Variants in ODF2L observed in about 807,000 individuals in gnomAD.
The protein encoded by ODF2L is outer dense fiber of sperm tails 2 like.
ODF2L carries 76 observed loss-of-function variants against 86.3 expected under a neutral mutation model. That is an observed-to-expected ratio of 0.88 (90% CI 0.73 to 1.07). The LOEUF is 1.07. ODF2L is among the 50% of genes least tolerant of loss of function. The probability of loss-of-function intolerance (pLI) is 0.00; values close to 1 mark genes in which losing one functional copy is unlikely to be tolerated. For missense variants in ODF2L, 748 were observed against 717.4 expected (o/e 1.04, Z -0.49); for synonymous variants, 241 against 231.3 (o/e 1.04, Z -0.38).
At chr1:86,362,682 G>A (rs1659128159) in intron 11 of ODF2L, among the ~76,000 whole-genome samples, 1 of 151,566 alleles carries the variant, frequency 6.6e-6, no homozygotes, top group Admixed American at 6.6e-5. Context: ...TTCTTTTTGA[G>A]GCAGTCTCAC....
intron 7 of ODF2L, among the ~76,000 whole-genome samples, chr1:86,380,485 T>C (rs1036645325): frequency 6.6e-6 from 1 of 152,170 alleles, no homozygotes; most frequent in African/African-American, 2.4e-5. Context: ...ACACCATGAA[T>C]AGTTGCTTTC....
exon 18 of ODF2L, chr1:86,351,946 A>C: frequency 3.3e-6 from 4 of 1,212,602 alleles, no homozygotes; most frequent in Non-Finnish European, 3.1e-6. Flanking sequence ...CAGAGGCTTC[A>C]ATTACACAAA....
chr1:86,355,631 G>A (rs1658492750), intron 14 of ODF2L, among the ~76,000 whole-genome samples: 2 of 152,138 alleles, frequency 1.3e-5, no homozygotes, highest in Non-Finnish European at 1.5e-5. Context: ...CATCAATCAA[G>A]TATTAAGCCT....
chr1:86,357,823 C>T, intron 13 of ODF2L: 4 of 985,142 alleles, frequency 4.1e-6, no homozygotes, highest in Non-Finnish European at 4.8e-6. Flanking sequence ...AAAAGACAGG[C>T]TCCAACCCTT....
rs1337198357 is a variant in ODF2L, at chr1:86,358,909, G to A, written c.1255-18C>T. 10 of 1,157,632 alleles carry A rather than the reference G, an allele frequency of 8.6e-6. No homozygotes were observed. The highest frequency in any genetic ancestry group is 1.2e-5 in the Non-Finnish European group (10 of 817,928). The allele number at this position is 1,157,632 out of a possible 1,614,324, so 71.7% of individuals were successfully genotyped here. A position where few individuals can be genotyped will look rare whatever the true frequency, so the allele number is the denominator to read the frequency against. On this transcript the variant is annotated intron_variant, in intron 12 of 17. Coordinates refer to ENST00000317336, the Ensembl canonical transcript of ODF2L. ...TTTTGTACCTGAAAATAAAGTATTA[G>A]AGAAACATATTATTTTTAGAATCAT...
At chr1:86,389,862 A>G (rs1661194003) in intron 1 of ODF2L, among the ~76,000 whole-genome samples, 1 of 152,204 alleles carries the variant, frequency 6.6e-6, no homozygotes, top group Non-Finnish European at 1.5e-5. Flanking sequence ...GAACAGACCA[A>G]TAACAACCAG....
chr1:86,393,958 C>T (rs934914557), intron 1 of ODF2L, among the ~76,000 whole-genome samples: 8 of 152,136 alleles, frequency 5.3e-5, no homozygotes, highest in Non-Finnish European at 8.8e-5. Context: ...AAAGACCTGG[C>T]CAAAGATGTT....
exon 2 of ODF2L, chr1:86,386,949 A>T: frequency 6.3e-7 from 1 of 1,597,366 alleles, no homozygotes; most frequent in Non-Finnish European, 8.6e-7. Flanking sequence ...CACCGTGGTA[A>T]ATCTTCTTTC....
At chr1:86,390,329 A>G (rs971841565) in intron 1 of ODF2L, among the ~76,000 whole-genome samples, 5 of 152,134 alleles carry the variant, frequency 3.3e-5, no homozygotes, top group Admixed American at 3.3e-4. Context: ...GCTGAGGCAG[A>G]GAATTGCTTG....
chr1:86,377,918 T>C (rs1356404524), intron 7 of ODF2L, among the ~76,000 whole-genome samples: 1 of 152,240 alleles, frequency 6.6e-6, no homozygotes, highest in East Asian at 1.9e-4. Flanking sequence ...TATGCCAATT[T>C]ATGCAGACCA....
At chr1:86,369,925 G>A (rs1189217045) in intron 10 of ODF2L, among the ~76,000 whole-genome samples, 1 of 151,988 alleles carries the variant, frequency 6.6e-6, no homozygotes, top group Non-Finnish European at 1.5e-5. Context: ...CTTAAAGCCT[G>A]GAATGCTATC....
exon 14 of ODF2L, chr1:86,356,536 C>T (rs1249369949): frequency 6.2e-7 from 1 of 1,613,958 alleles, no homozygotes; most frequent in Non-Finnish European, 8.5e-7. Flanking sequence ...AGCCTCCGTT[C>T]CGCCGCCGTC....
chr1:86,352,288 T>A, intron 17 of ODF2L: 1 of 1,384,080 alleles, frequency 7.2e-7, no homozygotes, highest in African/African-American at 1.5e-5. Context: ...TGAGTAATGC[T>A]AGCTTTCAGA....
chr1:86,385,612 A>G (rs1660899635), intron 2 of ODF2L, 22 bp from the exon 3 acceptor site: 1 of 1,596,770 alleles, frequency 6.3e-7, no homozygotes, highest in African/African-American at 1.3e-5. Context: ...TGCACATACA[A>G]AATTTAAGTT....
At chr1:86,363,939 G>T (rs1209488794) in intron 11 of ODF2L, among the ~76,000 whole-genome samples, 1 of 151,938 alleles carries the variant, frequency 6.6e-6, no homozygotes, top group East Asian at 1.9e-4. Flanking sequence ...GTAATTAAAA[G>T]TAATAAAACA....
rs763700960 is a variant in ODF2L, at chr1:86,384,702, G to C, written c.346C>G (p.Leu116Val). 2.0e-6 allele frequency: 3 copies of C among 1,511,710 alleles called. No individual in the cohort carries two copies. The highest frequency in any genetic ancestry group is 2.9e-5 in the African/African-American group (2 of 69,840). 93.6% of individuals were successfully genotyped at this position (1,511,710 alleles called of 1,614,324 possible). A position where few individuals can be genotyped will look rare whatever the true frequency, so the allele number is the denominator to read the frequency against. The change falls in exon 4 of 18, where the codon CTT becomes GTT. Residue 116 changes from leucine to valine, a missense_variant. Leu to Val is a conservative substitution (Grantham distance 32). Coordinates refer to ENST00000317336, the Ensembl canonical transcript of ODF2L. ...TGTTTGTAGTCTCTCTTTCTAAGAA[G>C]ATGTTCTAAAGCTAGTTTTACACTT... is the stretch of plus-strand genomic sequence containing the variant.
chr1:86,375,052 A>G (rs994871415), intron 8 of ODF2L: 5 of 152,218 alleles, frequency 3.3e-5, no homozygotes, highest in African/African-American at 7.2e-5. Flanking sequence ...TTCAGATTAT[A>G]GTGAATGCTA....
chr1:86,374,118 C>T lies in ODF2L; in HGVS notation c.811-1578G>A, dbSNP rs551996378. ...GACAACAATTAACATTTATTGGGTA[C>T]TTCTTTCTTTCATCATTCATCCATT... is the stretch of plus-strand genomic sequence containing the variant. On this transcript the variant is annotated intron_variant, in intron 8 of 17. Coordinates refer to ENST00000317336, the Ensembl canonical transcript of ODF2L. Among the ~76,000 whole-genome samples the T allele has an allele frequency of 1.1e-4, 16 of 152,212 alleles. No individual in the cohort carries two copies. In the East Asian group the frequency reaches 2.7e-3, roughly 26 times the overall value.
At chr1:86,391,085 A>AAAAAC (rs1234311919) in intron 1 of ODF2L, among the ~76,000 whole-genome samples, 3 of 152,224 alleles carry the variant, frequency 2.0e-5, no homozygotes, top group African/African-American at 7.2e-5. Context: ...CAATAGCTGC[A>AAAAAC]AAAACAAAAC....
Sources: allele counts gnomAD v4.1 joint callset (sites outside exome capture counted in the v4.1 genomes callset), GRCh38; gene constraint gnomAD v4.1.1; transcripts MANE v1.5; gene names NCBI Gene and HGNC (gene_info 2026-07-23, HGNC 2026-07-21).